Variants in HEPHL1 observed in about 807,000 individuals in gnomAD.
HEPHL1 encodes the protein ferroxidase HEPHL1.
In HEPHL1, 123 loss-of-function variants were observed where a neutral mutation model predicts 122.0. That is an observed-to-expected ratio of 1.01 (90% confidence interval 0.87 to 1.17). The LOEUF (loss-of-function observed/expected upper bound fraction) is 1.17. Ranked by LOEUF, HEPHL1 falls within the 50% of genes most tolerant of loss-of-function variation. The probability of loss-of-function intolerance (pLI) is 0.00; values close to 1 mark genes in which losing one functional copy is unlikely to be tolerated. For missense variants in HEPHL1, 1,452 were observed against 1,430.5 expected, an observed-to-expected ratio of 1.01 and a Z score of -0.24; for synonymous variants, 527 against 508.9, an observed-to-expected ratio of 1.04 and a Z score of -0.48.
At chr11:94,098,189 G>A (rs1286845524) in intron 13 of HEPHL1, among the ~76,000 whole-genome samples, 2 of 152,224 alleles carry the variant, frequency 1.3e-5, no homozygotes, top group Middle Eastern at 6.8e-3. Context: ...CTTCCTTCAG[G>A]AGCTCTTGTA....
chr11:94,100,091 C>T (rs1263384434), intron 13 of HEPHL1, among the ~76,000 whole-genome samples: 1 of 152,180 alleles, frequency 6.6e-6, no homozygotes, highest in East Asian at 1.9e-4. Context: ...AATCACCTGT[C>T]TTCTGCGTCG....
intron 2 of HEPHL1, among the ~76,000 whole-genome samples, chr11:94,057,301 A>G (rs761163324): frequency 6.6e-6 from 1 of 151,976 alleles, no homozygotes; most frequent in Non-Finnish European, 1.5e-5. Flanking sequence ...AATGTTTTTC[A>G]TCAAATTTGG....
Position 94,111,049 on chromosome 11 carries a change from G to C in HEPHL1, c.3192G>C (p.Thr1064=), listed in dbSNP as rs562897907. 11 of 1,595,412 alleles carry C rather than the reference G, an allele frequency of 6.9e-6. No individual in the cohort carries two copies. In the South Asian group the frequency reaches 1.0e-4, roughly 15 times the overall value. Residue 1064 remains threonine, a synonymous_variant, in exon 18 of 20, where the codon ACG becomes ACC. Coordinates refer to ENST00000315765, the MANE Select transcript of HEPHL1 (RefSeq NM_001098672.2). ...ATGCTGGCATGGAGACAACCTACAC[G>C]GTCCTTCGTAACATAGGTACGGTTG... ...HIHAGMETTY[T]VLRNIDNRIP... is the part of the protein sequence containing the mutation.
At chr11:94,026,586 G>C (rs2134402025) in intron 1 of HEPHL1, among the ~76,000 whole-genome samples, 1 of 152,330 alleles carries the variant, frequency 6.6e-6, no homozygotes, top group East Asian at 1.9e-4. Context: ...ATAACTCATT[G>C]ACAGTATAAT....
chr11:94,105,234 C>T (rs1946399182), intron 16 of HEPHL1, among the ~76,000 whole-genome samples: 2 of 152,072 alleles, frequency 1.3e-5, no homozygotes, highest in Non-Finnish European at 2.9e-5. Flanking sequence ...AGTTTCTCAC[C>T]AACAGCTATT....
Position 94,045,731 on chromosome 11 carries a change from G to A in HEPHL1, c.229G>A (p.Ala77Thr), listed in dbSNP as rs748917040. Residue 77 changes from alanine to threonine, a missense_variant, in exon 2 of 20, where the codon GCT becomes ACT. By Grantham distance (58) the Ala-to-Thr change is moderately conservative (BLOSUM62 0). Transcript: ENST00000315765. ...CAGGATAGGCAGTATTTACAAAAAG[G>A]CTGTTTACAGACGCTTCACGGATGG... ...PNRIGSIYKKAVYRRFTDGTY... is the reference protein window; with the variant it reads ...PNRIGSIYKKTVYRRFTDGTY... 224 of 1,613,394 alleles carry A rather than the reference G, an allele frequency of 1.4e-4. 2 individuals carry two copies. The highest frequency in any genetic ancestry group is 5.5e-4 in the South Asian group (50 of 90,954).
rs552156970 is a variant in HEPHL1 at position 94,055,394 on chromosome 11, C to T, written c.416-8114C>T. The T allele has an allele frequency of 2.1e-4, 47 of 221,762 alleles. 1 individual carries two copies. The highest frequency in any genetic ancestry group is 4.2e-4 in the Non-Finnish European group (45 of 108,216). 13.7% of individuals were successfully genotyped at this position (221,762 alleles called of 1,614,324 possible). A position where few individuals can be genotyped will look rare whatever the true frequency, so the allele number is the denominator to read the frequency against. ...CTTAGTCTGCAAGGTCGTTGCTAACCTGCCTGGAGACCAGCTCTCTCTGGG... is the reference window on the plus strand; with the variant it reads ...CTTAGTCTGCAAGGTCGTTGCTAACTTGCCTGGAGACCAGCTCTCTCTGGG... On this transcript the variant is annotated intron_variant, in intron 2 of 19. Coordinates refer to ENST00000315765, the MANE Select transcript of HEPHL1 (RefSeq NM_001098672.2).
chr11:94,043,678 A>T (rs1945788), intron 1 of HEPHL1, among the ~76,000 whole-genome samples: 151,046 of 152,198 alleles, frequency 0.99, 74,964 homozygotes, highest in East Asian at 1. Context: ...GCCAAAACTT[A>T]AAAATGTCTT....
rs571047840 is a variant in HEPHL1, at chr11:94,099,400, G to A, written c.2435-1795G>A. ...CTTCATCTCAGAGGGGTGCCTGGCC[G>A]TGTGAGGTGTCAGTCTGCCCCTACT... On this transcript the variant is annotated intron_variant, in intron 13 of 19. Coordinates refer to ENST00000315765, the MANE Select transcript of HEPHL1 (RefSeq NM_001098672.2). 2.3e-4 allele frequency among the ~76,000 whole-genome samples: 35 copies of A among 152,298 alleles called. 2 individuals carry two copies. The highest frequency in any genetic ancestry group is 7.9e-4 in the African/African-American group (33 of 41,568).
chr11:94,062,435 A>G (rs1448692473), intron 2 of HEPHL1, among the ~76,000 whole-genome samples: 1 of 152,132 alleles, frequency 6.6e-6, no homozygotes, highest in Non-Finnish European at 1.5e-5. Context: ...GTAACATTAG[A>G]TTTTTTAGTT....
In HEPHL1 at chr11:94,073,446, C is replaced by T. The variant is rs770571172; in HGVS notation, c.1504+7C>T. ...GCAGCCCCAAACCTAGATGGTAAGT[C>T]TCACTCTGGGCTTAGGGAGGAAACA... is the stretch of plus-strand genomic sequence containing the variant. On this transcript the variant is annotated splice_region_variant and intron_variant, in intron 8 of 19. Coordinates refer to ENST00000315765, the MANE Select transcript of HEPHL1 (RefSeq NM_001098672.2). 21 of 1,552,104 alleles carry T rather than the reference C, an allele frequency of 1.4e-5. No individual in the cohort carries two copies. The highest frequency in any genetic ancestry group is 1.7e-5 in the Non-Finnish European group (19 of 1,146,866).
chr11:94,038,232 AT>A (rs1185572858), intron 1 of HEPHL1, among the ~76,000 whole-genome samples: 6 of 151,292 alleles, frequency 4.0e-5, no homozygotes, highest in Non-Finnish European at 5.9e-5. Context: ...AAAAGACCAA[AT>A]TTACGTCCGA....
rs558201799 is a variant in HEPHL1, at chr11:94,080,761, G to C, written c.1717-1657G>C. Among the ~76,000 whole-genome samples, 5 of 152,284 alleles carry C rather than the reference G, an allele frequency of 3.3e-5. No homozygotes were observed. In the East Asian group the frequency reaches 5.8e-4, roughly 18 times the overall value. On this transcript the variant is annotated intron_variant, in intron 9 of 19. Transcript: ENST00000315765. The stretch of plus-strand genomic sequence containing the variant: ...ATGAGATACCATCTCACGCTATTCA[G>C]AATGGCAATTATTAAAAAGTCGAGA...
chr11:94,045,840 T>C lies in HEPHL1; in HGVS notation c.338T>C (p.Val113Ala). The change falls in exon 2 of 20, where the codon GTC (valine) becomes GCC (alanine). Residue 113 changes from valine to alanine, a missense_variant. Coordinates refer to ENST00000315765, the MANE Select transcript of HEPHL1 (RefSeq NM_001098672.2). ...ILRAEVGDVI[V>A]IHLKNFASRP... ...AGGGCCGAAGTGGGTGATGTGATTG[T>C]CATTCATTTAAAGAACTTTGCTTCT... The C allele has an allele frequency of 1.2e-6, 2 of 1,613,926 alleles. No individual in the cohort carries two copies. The highest frequency in any genetic ancestry group is 2.2e-5 in the South Asian group (2 of 91,078).
chr11:94,063,361 A>T (rs960870432), intron 2 of HEPHL1, 147 bp from the exon 3 acceptor site: 8 of 655,102 alleles, frequency 1.2e-5, no homozygotes, highest in African/African-American at 3.7e-5. Context: ...GACATTGAGA[A>T]TTTAAGTAAC....
At chr11:94,091,030 G>A (rs952212236) in intron 12 of HEPHL1, among the ~76,000 whole-genome samples, 1 of 152,154 alleles carries the variant, frequency 6.6e-6, no homozygotes, top group African/African-American at 2.4e-5. Context: ...AAAAAATAAA[G>A]TTGTATTCCT....
In HEPHL1 at chr11:94,067,670, C is replaced by A; in HGVS notation, c.983C>A (p.Ala328Asp). The A allele has an allele frequency of 6.2e-7, 1 of 1,613,728 alleles. No homozygotes were observed. Among genetic ancestry groups the A allele is most frequent in the Non-Finnish European group, 8.5e-7 (1 of 1,179,716 alleles). Residue 328 changes from alanine (A) to aspartate (D), a missense_variant, in exon 5 of 20, where the codon GCC becomes GAC. By Grantham distance (126) the Ala-to-Asp change is moderately radical. Transcript: ENST00000315765. ...HRTDVVNLFP[A>D]TFLTTEMIAE... ...ACTGATGTCGTCAACCTGTTCCCAG[C>A]CACCTTCCTTACAACAGAAATGATA...
chr11:94,045,604 C>G (rs1945826760), intron 1 of HEPHL1, 69 bp from the exon 2 acceptor site: 1 of 1,351,606 alleles, frequency 7.4e-7, no homozygotes, highest in East Asian at 2.5e-5. Context: ...ACTTTATAAA[C>G]TCCTAGTGGT....
In HEPHL1 at chr11:94,106,037, C is replaced by T. The variant is rs747252252; in HGVS notation, c.2952C>T (p.Asn984=). The T allele has an allele frequency of 1.1e-5, 17 of 1,597,520 alleles. No homozygotes were observed. In the East Asian group the frequency reaches 1.3e-4, roughly 13 times the overall value. ...IFGNLHGLIM[N]EDTMTNWYLL... ...GGAATCTCCATGGCCTCATAATGAA[C>T]GAAGATACAATGACAAACTGGTATT... Residue 984 remains asparagine, a synonymous_variant, in exon 17 of 20, where the codon AAC becomes AAT. Coordinates refer to ENST00000315765, the MANE Select transcript of HEPHL1 (RefSeq NM_001098672.2).
Sources: allele counts gnomAD v4.1 joint callset (sites outside exome capture counted in the v4.1 genomes callset), GRCh38; gene constraint gnomAD v4.1.1; transcripts MANE v1.5; gene names NCBI Gene and HGNC (gene_info 2026-07-23, HGNC 2026-07-21).